TMC5: variants seen among roughly 807,000 people sequenced by gnomAD.
The protein encoded by TMC5 is transmembrane channel like 5.
In TMC5, 86 loss-of-function variants were observed where a neutral mutation model predicts 110.5. That is an observed-to-expected ratio of 0.78 (90% confidence interval 0.65 to 0.93). The LOEUF (loss-of-function observed/expected upper bound fraction) is 0.93. TMC5 is among the 40% of genes least tolerant of loss of function. The pLI is 0.00. For missense variants in TMC5, 1,144 were observed against 1,222.8 expected (o/e 0.94, Z 0.96); for synonymous variants, 455 against 439.5 (o/e 1.04, Z -0.44).
chr16:19,446,433 A>C (rs1412352047), intron 4 of TMC5, among the ~76,000 whole-genome samples: 1 of 152,256 alleles, frequency 6.6e-6, no homozygotes, highest in Non-Finnish European at 1.5e-5. Flanking sequence ...AGATTGAGAC[A>C]TACTGTGCTA....
chr16:19,477,122 C>T (rs1968508656), intron 12 of TMC5: 3 of 235,000 alleles, frequency 1.3e-5, no homozygotes, highest in South Asian at 4.4e-5. Context: ...GTGGCGGGCG[C>T]CTGTAGTCCC....
rs938210962 is a variant in TMC5, at chr16:19,424,448, C to T, written c.-307-5965C>T. On this transcript the variant is annotated intron_variant, in intron 1 of 21. Coordinates refer to ENST00000542583, the MANE Select transcript of TMC5 (RefSeq NM_001261841.2). Reference sequence around the variant, plus strand: ...GGTGGATCACCTGAGGTCAGGAGTTCGAGACCAGCCTGGGCAACATGGCAG... The same window carrying T: ...GGTGGATCACCTGAGGTCAGGAGTTTGAGACCAGCCTGGGCAACATGGCAG... Among the ~76,000 whole-genome samples the T allele has an allele frequency of 5.3e-5, 8 of 152,190 alleles. No individual in the cohort carries two copies. In the South Asian group the frequency reaches 6.2e-4, roughly 12 times the overall value.
Position 19,460,310 on chromosome 16 carries a change from C to T in TMC5, c.1124C>T (p.Thr375Ile), listed in dbSNP as rs1422996241. The T allele has an allele frequency of 6.2e-7, 1 of 1,613,562 alleles. No homozygotes were observed. The highest frequency in any genetic ancestry group is 8.5e-7 in the Non-Finnish European group (1 of 1,179,626). ...RIKAIRNQPRTMEEKRNLRKI... is the reference protein window; with the variant it reads ...RIKAIRNQPRIMEEKRNLRKI... ...AAAGCCATCAGGAACCAGCCAAGGA[C>T]CATGGAAGAGAAAAGGAACCTTAGG... The change falls in exon 6 of 22, where the codon ACC (threonine) becomes ATC (isoleucine). Residue 375 changes from threonine to isoleucine, a missense_variant. Coordinates refer to ENST00000542583, the MANE Select transcript of TMC5 (RefSeq NM_001261841.2).
At chr16:19,417,543 TA>T (rs111382831), upstream of TMC5, among the ~76,000 whole-genome samples, 40 of 147,664 alleles carry the variant, frequency 2.7e-4, no homozygotes, top group Admixed American at 1.5e-3. Context: ...ACTCTAGGGT[TA>T]AAAAAAAAAC....
At chr16:19,461,279 T>C (rs1384966545) in intron 6 of TMC5, among the ~76,000 whole-genome samples, 1 of 152,154 alleles carries the variant, frequency 6.6e-6, no homozygotes, top group African/African-American at 2.4e-5. Flanking sequence ...AATCTTTACT[T>C]AAAAAATAAA....
chr16:19,498,182 T>G lies in TMC5; in HGVS notation c.*216T>G. 1.8e-6 allele frequency: 1 copy of G among 556,034 alleles called. No individual in the cohort carries two copies. Among genetic ancestry groups the G allele is most frequent in the South Asian group, 2.2e-5 (1 of 46,066 alleles). 34.4% of individuals were successfully genotyped at this position (556,034 alleles called of 1,614,324 possible). ...TTGCTGATTTTTCAAGACAAAATACTTGGGGTTTTCCAATAAAGATTGTTG... is the reference window on the plus strand; with the variant it reads ...TTGCTGATTTTTCAAGACAAAATACGTGGGGTTTTCCAATAAAGATTGTTG... On this transcript the variant is annotated 3_prime_UTR_variant, in exon 22 of 22. Coordinates refer to ENST00000542583, the MANE Select transcript of TMC5 (RefSeq NM_001261841.2).
At chr16:19,414,964 C>T (rs1032817871), upstream of TMC5, among the ~76,000 whole-genome samples, 8 of 152,092 alleles carry the variant, frequency 5.3e-5, no homozygotes, top group African/African-American at 7.2e-5. Context: ...GCAAGAGGAT[C>T]GTTTGAGCCC....
At chr16:19,437,108 G>A (rs533356779) in intron 2 of TMC5, among the ~76,000 whole-genome samples, 13 of 152,264 alleles carry the variant, frequency 8.5e-5, no homozygotes, top group East Asian at 5.8e-4. Flanking sequence ...TTGGGAGGTC[G>A]AGGTTGCATC....
Position 19,494,380 on chromosome 16 carries a change from C to T in TMC5, c.2931+14C>T, listed in dbSNP as rs1330479486. ...AGAGAGGTGGAGGTGAGTCTGGAGG[C>T]TGCCTTGGGGACCCCTGGGACACGA... On this transcript the variant is annotated intron_variant, in intron 20 of 21. Coordinates refer to ENST00000542583, the MANE Select transcript of TMC5 (RefSeq NM_001261841.2). 6.2e-7 allele frequency: 1 copy of T among 1,605,378 alleles called. No homozygotes were observed.
intron 5 of TMC5, among the ~76,000 whole-genome samples, chr16:19,454,475 A>T (rs1472538543): frequency 6.6e-6 from 1 of 152,176 alleles, no homozygotes; most frequent in Non-Finnish European, 1.5e-5. Context: ...TTTTGTGACA[A>T]ATTATTTCAT....
chr16:19,482,500 C>T (rs1968643053), intron 15 of TMC5, among the ~76,000 whole-genome samples: 1 of 152,224 alleles, frequency 6.6e-6, no homozygotes, highest in South Asian at 2.1e-4. Flanking sequence ...TCTGGCTTCT[C>T]TCCACAAAGA....
chr16:19,451,992 T>C (rs772607874), intron 5 of TMC5, among the ~76,000 whole-genome samples: 11 of 151,946 alleles, frequency 7.2e-5, no homozygotes, highest in Non-Finnish European at 1.3e-4. Context: ...AGAGACGGGG[T>C]TTCGGCATTT....
intron 6 of TMC5, chr16:19,462,656 T>C: frequency 1.6e-6 from 1 of 612,718 alleles, no homozygotes; most frequent in Non-Finnish European, 3.0e-6. Flanking sequence ...TCCCAGCACT[T>C]TGGGAGGCCA....
intron 5 of TMC5, among the ~76,000 whole-genome samples, chr16:19,454,794 A>G (rs1437645098): frequency 6.6e-6 from 1 of 152,218 alleles, no homozygotes; most frequent in African/African-American, 2.4e-5. Context: ...TGTGCCTGGC[A>G]CTGGAACAGA....
intron 9 of TMC5, among the ~76,000 whole-genome samples, chr16:19,469,064 A>T (rs922506424): frequency 2.0e-5 from 3 of 152,156 alleles, no homozygotes; most frequent in African/African-American, 7.2e-5. Flanking sequence ...TAAAAGAACA[A>T]ATTTGTGTTG....
chr16:19,421,882 G>A (rs182851530), intron 1 of TMC5, among the ~76,000 whole-genome samples: 22 of 152,250 alleles, frequency 1.4e-4, no homozygotes, highest in Admixed American at 8.5e-4. Flanking sequence ...GGCCTAGGAG[G>A]TTGCATCACT....
At chr16:19,446,290 A>G (rs984903893) in intron 4 of TMC5, among the ~76,000 whole-genome samples, 1 of 151,918 alleles carries the variant, frequency 6.6e-6, no homozygotes, top group African/African-American at 2.4e-5. Context: ...AAAAAATCTC[A>G]CTCTTGATGT....
chr16:19,440,295 C>T lies in TMC5; in HGVS notation c.257C>T (p.Thr86Ile). ...CTGAGTAATCCAGACTATTCTGGCACCAGAAGCAATGCATACTCTGCAGCC... is the reference window on the plus strand; with the variant it reads ...CTGAGTAATCCAGACTATTCTGGCATCAGAAGCAATGCATACTCTGCAGCC... ...RSLSNPDYSG[T>I]RSNAYSAASR... Residue 86 changes from threonine (T) to isoleucine (I), a missense_variant, in exon 3 of 22, where the codon ACC becomes ATC. Coordinates refer to ENST00000542583, the MANE Select transcript of TMC5 (RefSeq NM_001261841.2). The T allele has an allele frequency of 6.2e-7, 1 of 1,614,108 alleles. No homozygotes were observed. The highest frequency in any genetic ancestry group is 8.5e-7 in the Non-Finnish European group (1 of 1,180,016).
intron 1 of TMC5, among the ~76,000 whole-genome samples, chr16:19,426,611 CCTT>C (rs757535842): frequency 2.0e-5 from 3 of 152,168 alleles, no homozygotes; most frequent in Non-Finnish European, 4.4e-5. Flanking sequence ...CGGGCGTCCT[CCTT>C]CTTCTGGGTT....
Sources: gnomAD v4.1 joint callset for allele counts (sites outside exome capture counted in the v4.1 genomes callset) on GRCh38, gnomAD v4.1.1 for gene constraint, MANE v1.5 for transcripts, NCBI Gene and HGNC (gene_info 2026-07-23, HGNC 2026-07-21) for gene names.